Variants in TSPAN18 observed in about 807,000 individuals in gnomAD.
TSPAN18 encodes the protein tetraspanin-18.
A neutral mutation model predicts 27.3 loss-of-function variants in TSPAN18; 14 were observed. That is an observed-to-expected ratio of 0.51 (90% CI 0.34 to 0.80). The LOEUF is 0.80. Among genes scored for constraint, TSPAN18 ranks in the 30% least tolerant of loss-of-function variants. The pLI is 0.01. For missense variants in TSPAN18, 268 were observed against 323.9 expected (o/e 0.83, Z 1.32); for synonymous variants, 143 against 136.5 (o/e 1.05, Z -0.33).
chr11:44,923,270 CT>C (rs997390885), intron 8 of TSPAN18, among the ~76,000 whole-genome samples: 6 of 152,080 alleles, frequency 3.9e-5, no homozygotes, highest in African/African-American at 1.2e-4. Context: ...CTGGCTGCCC[CT>C]CATCAGATTA....
At chr11:44,753,852 C>T (rs1337974166) in intron 1 of TSPAN18, among the ~76,000 whole-genome samples, 2 of 152,306 alleles carry the variant, frequency 1.3e-5, no homozygotes, top group South Asian at 4.2e-4. Flanking sequence ...GGGTGACAGC[C>T]TATCCACTAC....
intron 2 of TSPAN18, among the ~76,000 whole-genome samples, chr11:44,831,376 A>T (rs1185357169): frequency 2.0e-5 from 3 of 152,132 alleles, no homozygotes; most frequent in African/African-American, 7.3e-5. Context: ...GCCCCAAAAA[A>T]GATGTCAAGA....
At chr11:44,885,576 T>A (rs1426829566) in intron 3 of TSPAN18, among the ~76,000 whole-genome samples, 7 of 151,816 alleles carry the variant, frequency 4.6e-5, no homozygotes, top group African/African-American at 1.7e-4. Context: ...GCCCTCTCCC[T>A]CCCCCAACCC....
intron 2 of TSPAN18, among the ~76,000 whole-genome samples, chr11:44,836,963 A>G (rs1002722486): frequency 6.6e-6 from 1 of 152,232 alleles, no homozygotes; most frequent in African/African-American, 2.4e-5. Flanking sequence ...GTCATCCAAG[A>G]GCTCTGATGG....
At chr11:44,853,350 C>T (rs76357817) in intron 2 of TSPAN18, among the ~76,000 whole-genome samples, 1,899 of 152,064 alleles carry the variant, frequency 0.012, 40 homozygotes, top group African/African-American at 0.043. Flanking sequence ...GTAGATGGGA[C>T]TGAGTTGTTT....
intron 2 of TSPAN18, among the ~76,000 whole-genome samples, chr11:44,840,050 C>T (rs896443774): frequency 8.1e-4 from 124 of 152,354 alleles, no homozygotes; most frequent in African/African-American, 2.9e-3. Context: ...CCTAAGTCAA[C>T]CTGGGCTTTG....
At chr11:44,907,291 C>G (rs1306425959) in intron 4 of TSPAN18, among the ~76,000 whole-genome samples, 4 of 152,166 alleles carry the variant, frequency 2.6e-5, no homozygotes, top group Non-Finnish European at 5.9e-5. Context: ...TCTTGGGCCC[C>G]CACAGGCTTT....
intron 4 of TSPAN18, among the ~76,000 whole-genome samples, chr11:44,906,780 G>A (rs1036068418): frequency 6.6e-6 from 1 of 152,198 alleles, no homozygotes; most frequent in African/African-American, 2.4e-5. Context: ...CGTGGAGAGT[G>A]GGAAAGGAGG....
chr11:44,840,846 AGGGCTC>A, intron 2 of TSPAN18, among the ~76,000 whole-genome samples: 1 of 152,282 alleles, frequency 6.6e-6, no homozygotes, highest in Non-Finnish European at 1.5e-5. Context: ...CTCCAAGCTC[AGGGCTC>A]CTGGTTACTG....
intron 3 of TSPAN18, among the ~76,000 whole-genome samples, chr11:44,889,242 G>T (rs1048237675): frequency 6.6e-6 from 1 of 152,228 alleles, no homozygotes; most frequent in East Asian, 1.9e-4. Flanking sequence ...AGAGGATAAG[G>T]CCAGTCCTGC....
At chr11:44,919,337 T>A (rs1481323310) in intron 7 of TSPAN18, 25 bp downstream of exon 7, 2 of 1,597,698 alleles carry the variant, frequency 1.3e-6, no homozygotes, top group Non-Finnish European at 1.7e-6. Flanking sequence ...AGAGATGCTA[T>A]GAACATTCAG....
chr11:44,767,804 T>C (rs1479059665), intron 2 of TSPAN18, among the ~76,000 whole-genome samples: 1 of 152,244 alleles, frequency 6.6e-6, no homozygotes, highest in East Asian at 1.9e-4. Flanking sequence ...GGATTCAGTG[T>C]CATTCTAGTG....
chr11:44,905,670 G>T (rs1859428254), intron 3 of TSPAN18, among the ~76,000 whole-genome samples: 1 of 152,254 alleles, frequency 6.6e-6, no homozygotes, highest in Non-Finnish European at 1.5e-5. Context: ...CTGGCAAGCA[G>T]CGGATGCTCA....
chr11:44,842,182 A>C (rs1470301129), intron 2 of TSPAN18, among the ~76,000 whole-genome samples: 1 of 152,224 alleles, frequency 6.6e-6, no homozygotes, highest in Non-Finnish European at 1.5e-5. Context: ...GTCTCCTTCA[A>C]GGATGAGGAA....
intron 9 of TSPAN18, among the ~76,000 whole-genome samples, chr11:44,928,669 C>T (rs1278039956): frequency 6.6e-6 from 1 of 152,156 alleles, no homozygotes; most frequent in African/African-American, 2.4e-5. Context: ...GCCTGTAGTC[C>T]CAGCTACTCA....
chr11:44,868,372 G>T (rs1183328238), intron 3 of TSPAN18, among the ~76,000 whole-genome samples: 2 of 152,220 alleles, frequency 1.3e-5, no homozygotes, highest in Admixed American at 1.3e-4. Context: ...ACCAGGACAT[G>T]CAAGAGCTGA....
In TSPAN18 at chr11:44,777,753, C is replaced by G. The variant is rs1049742333; in HGVS notation, c.-153+13241C>G. On this transcript the variant is annotated intron_variant, in intron 2 of 9. Transcript: ENST00000520358. Reference sequence around the variant, plus strand: ...TGAAGCCTGCCTCCCACCTCCCCCCCTTTTCTTTCTTGCAACTCCTTGTAG... The same window carrying G: ...TGAAGCCTGCCTCCCACCTCCCCCCGTTTTCTTTCTTGCAACTCCTTGTAG... Among the ~76,000 whole-genome samples the G allele has an allele frequency of 2.0e-5, 3 of 152,216 alleles. No individual in the cohort carries two copies. The South Asian group carries it at 6.2e-4, about 32-fold the overall frequency.
intron 2 of TSPAN18, among the ~76,000 whole-genome samples, chr11:44,835,168 A>C (rs1444717612): frequency 2.0e-5 from 3 of 152,222 alleles, no homozygotes; most frequent in African/African-American, 7.2e-5. Context: ...TAAGGAAGAA[A>C]CACACAGAAA....
intron 3 of TSPAN18, among the ~76,000 whole-genome samples, chr11:44,882,587 G>GACACACACACACACACACAC (rs748475836): frequency 4.6e-5 from 6 of 130,770 alleles, no homozygotes; most frequent in African/African-American, 1.8e-4. Flanking sequence ...CAGAGAGAGA[G>GACACACACACACACACACAC]ACACACACAC....
Sources: gnomAD v4.1 joint callset for allele counts (sites outside exome capture counted in the v4.1 genomes callset) on GRCh38, gnomAD v4.1.1 for gene constraint, MANE v1.5 for transcripts, NCBI Gene and HGNC (gene_info 2026-07-23, HGNC 2026-07-21) for gene names.